The following CSNK2A2IP variants were observed in gnomAD, a reference collection of about 807,000 sequenced individuals.
CSNK2A2IP encodes casein kinase II subunit alpha'-interacting protein.
chr3:88,433,882 G>A, the CSNK2A2IP span, among the ~76,000 whole-genome samples: 54,686 of 151,976 alleles, frequency 0.36, 11,093 homozygotes, highest in Non-Finnish European at 0.47. Flanking sequence ...ACTGGACTGG[G>A]TACTCTCCAG....
chr3:88,353,967 G>A, the CSNK2A2IP span, among the ~76,000 whole-genome samples: 1 of 152,180 alleles, frequency 6.6e-6, no homozygotes, highest in Admixed American at 6.6e-5. Context: ...CCTCATCACA[G>A]GTTGTTGCAG....
chr3:88,395,550 T>C, the CSNK2A2IP span, among the ~76,000 whole-genome samples: 1 of 152,212 alleles, frequency 6.6e-6, no homozygotes, highest in East Asian at 1.9e-4. Flanking sequence ...TAACATAAAT[T>C]TGCTTTTTCT....
chr3:88,421,196 A>G, the CSNK2A2IP span, among the ~76,000 whole-genome samples: 2 of 152,136 alleles, frequency 1.3e-5, no homozygotes, highest in Non-Finnish European at 2.9e-5. Context: ...ATTGATAATC[A>G]TTGAGAGAAG....
chr3:88,382,277 C>T, the CSNK2A2IP span, among the ~76,000 whole-genome samples: 15 of 152,284 alleles, frequency 9.9e-5, no homozygotes, highest in South Asian at 3.1e-3. Context: ...GTCAGGACAT[C>T]AGTATTGAGG....
chr3:88,397,040 G>C, the CSNK2A2IP span, among the ~76,000 whole-genome samples: 3 of 152,138 alleles, frequency 2.0e-5, no homozygotes, highest in Admixed American at 1.3e-4. Context: ...ATATTTTTAA[G>C]AAAAACAAGA....
chr3:88,379,264 G>T, the CSNK2A2IP span, among the ~76,000 whole-genome samples: 1 of 151,992 alleles, frequency 6.6e-6, no homozygotes, highest in Non-Finnish European at 1.5e-5. Context: ...TAATGGAACT[G>T]CCTGTTCCTC....
chr3:88,466,470 A>G, the CSNK2A2IP span: 1 of 1,231,878 alleles, frequency 8.1e-7, no homozygotes, highest in South Asian at 4.1e-5. Flanking sequence ...TCTCAGGTCA[A>G]TTATTATCAA....
At chr3:88,431,375 TG>T in the CSNK2A2IP span, 1 of 152,236 alleles carries the variant, frequency 6.6e-6, no homozygotes, top group Non-Finnish European at 1.5e-5. Context: ...AAACATTGTA[TG>T]TTCTCACTCT....
the CSNK2A2IP span, among the ~76,000 whole-genome samples, chr3:88,409,711 C>G: frequency 0.01 from 1,579 of 152,094 alleles, 36 homozygotes; most frequent in African/African-American, 0.036. Flanking sequence ...TATTTAGTCA[C>G]AAGATCATTT....
chr3:88,461,410 G>A, the CSNK2A2IP span, among the ~76,000 whole-genome samples: 1 of 151,942 alleles, frequency 6.6e-6, no homozygotes, highest in East Asian at 1.9e-4. Context: ...AAAATTAGCC[G>A]GGCGTGGTGG....
chr3:88,376,500 C>A, the CSNK2A2IP span, among the ~76,000 whole-genome samples: 1 of 151,826 alleles, frequency 6.6e-6, no homozygotes, highest in African/African-American at 2.4e-5. Flanking sequence ...TCCCCTCCCA[C>A]TCCAAGGCTG....
chr3:88,447,420 C>G, the CSNK2A2IP span, among the ~76,000 whole-genome samples: 1 of 151,950 alleles, frequency 6.6e-6, no homozygotes, highest in African/African-American at 2.4e-5. Flanking sequence ...GTGTAAAACT[C>G]TTAAAAATAT....
At chr3:88,352,729 A>C in the CSNK2A2IP span, among the ~76,000 whole-genome samples, 1 of 151,986 alleles carries the variant, frequency 6.6e-6, no homozygotes, top group African/African-American at 2.4e-5. Context: ...CAGGCTTGTG[A>C]TATCACACCC....
the CSNK2A2IP span, among the ~76,000 whole-genome samples, chr3:88,464,345 TAAAG>T: frequency 6.6e-6 from 1 of 150,614 alleles, no homozygotes; most frequent in Non-Finnish European, 1.5e-5. Flanking sequence ...TCTATATATA[TAAAG>T]AAAGAAAATC....
chr3:88,342,653 G>T, the CSNK2A2IP span, among the ~76,000 whole-genome samples: 2 of 151,326 alleles, frequency 1.3e-5, no homozygotes, highest in East Asian at 3.9e-4. Context: ...AAGAAAGCAA[G>T]GGATTTGCAC....
chr3:88,374,735 G>A, the CSNK2A2IP span, among the ~76,000 whole-genome samples: 1 of 151,558 alleles, frequency 6.6e-6, no homozygotes, highest in African/African-American at 2.4e-5. Context: ...AAATTCTTGA[G>A]GTTAGAATTC....
the CSNK2A2IP span, among the ~76,000 whole-genome samples, chr3:88,396,408 T>C: frequency 6.6e-6 from 1 of 152,180 alleles, no homozygotes; most frequent in African/African-American, 2.4e-5. Flanking sequence ...CCCGGCCGAC[T>C]ACCTACTTCT....
the CSNK2A2IP span, among the ~76,000 whole-genome samples, chr3:88,440,702 TC>T: frequency 6.6e-6 from 1 of 152,174 alleles, no homozygotes; most frequent in Non-Finnish European, 1.5e-5. Flanking sequence ...AGCTTTTTTT[TC>T]CCCCTTAAAG....
At chr3:88,421,828 T>A in the CSNK2A2IP span, among the ~76,000 whole-genome samples, 1 of 152,200 alleles carries the variant, frequency 6.6e-6, no homozygotes, top group Non-Finnish European at 1.5e-5. Context: ...CTGGATTTGC[T>A]CTTAGCAGTG....
Sources: gnomAD v4.1 joint callset for allele counts (sites outside exome capture counted in the v4.1 genomes callset) on GRCh38, gnomAD v4.1.1 for gene constraint, MANE v1.5 for transcripts, NCBI Gene and HGNC (gene_info 2026-07-23, HGNC 2026-07-21) for gene names.